Variants in AK9 observed in about 807,000 individuals in gnomAD.
AK9 encodes the protein adenylate kinase domain containing 1.
Under a neutral mutation model 239.6 loss-of-function variants are expected in AK9, and 191 were observed. That is an observed-to-expected ratio of 0.80 (90% CI 0.71 to 0.90). The LOEUF (loss-of-function observed/expected upper bound fraction) is 0.90. AK9 is among the 40% of genes least tolerant of loss of function. The probability of loss-of-function intolerance (pLI) is 0.00; values close to 1 mark genes in which losing one functional copy is unlikely to be tolerated. For missense variants in AK9, 1,995 were observed against 2,214.7 expected, an observed-to-expected ratio of 0.90 and a Z score of 1.99; for synonymous variants, 689 against 721.0, an observed-to-expected ratio of 0.96 and a Z score of 0.71.
chr6:109,516,492 G>A lies in AK9; in HGVS notation c.3784C>T (p.Arg1262Cys), dbSNP rs369859179. 98 of 1,551,472 alleles carry A rather than the reference G, an allele frequency of 6.3e-5. No individual in the cohort carries two copies. Among genetic ancestry groups the A allele is most frequent in the South Asian group, 3.3e-4 (28 of 84,056 alleles). Residue 1262 changes from arginine to cysteine, a missense_variant, in exon 30 of 41, where the codon CGC (arginine) becomes TGC (cysteine). Physicochemically the swap from Arg to Cys is radical, Grantham distance 180 (BLOSUM62 -3). Around this residue, in one of 5 missense-constraint regions of AK9, gnomAD observed 1,290 missense variants for 1,392.7 expected, o/e 0.93. Transcript: ENST00000424296. Reference protein sequence around the residue: ...DEEQETDAIERLRGELGEKFE... With the variant: ...DEEQETDAIECLRGELGEKFE... ...TTTTCTCCTAGTTCACCTCTCAGGCGCTCAATTGCATCAGTTTCCTGTTCT... is the reference window on the plus strand; with the variant it reads ...TTTTCTCCTAGTTCACCTCTCAGGCACTCAATTGCATCAGTTTCCTGTTCT...
chr6:109,688,856 A>T (rs1773893739), intron 1 of AK9, among the ~76,000 whole-genome samples: 1 of 152,064 alleles, frequency 6.6e-6, no homozygotes, highest in Non-Finnish European at 1.5e-5. Flanking sequence ...ATTGGATGAG[A>T]TTGGGGGTGC....
chr6:109,535,464 T>C (rs939879464), intron 27 of AK9, among the ~76,000 whole-genome samples: 3 of 152,250 alleles, frequency 2.0e-5, no homozygotes, highest in African/African-American at 7.2e-5. Context: ...TTTGCTTTTT[T>C]CTTGTAAATT....
chr6:109,656,994 G>C, intron 7 of AK9, 110 bp from the exon 8 acceptor site: 1 of 1,279,824 alleles, frequency 7.8e-7, no homozygotes. Flanking sequence ...TGAGAAGCAG[G>C]GGGAGGGGAC....
intron 12 of AK9, among the ~76,000 whole-genome samples, chr6:109,620,367 T>A (rs546715146): frequency 1.3e-5 from 2 of 152,170 alleles, no homozygotes; most frequent in African/African-American, 4.8e-5. Context: ...AGTATCTCAT[T>A]GTAGATTAAA....
intron 10 of AK9, among the ~76,000 whole-genome samples, chr6:109,639,643 T>C (rs2128284202): frequency 6.6e-6 from 1 of 152,342 alleles, no homozygotes; most frequent in South Asian, 2.1e-4. Flanking sequence ...GCAGAAGCTC[T>C]TTAGTTTAAT....
intron 26 of AK9, among the ~76,000 whole-genome samples, chr6:109,542,582 A>G (rs979871911): frequency 4.6e-5 from 7 of 152,226 alleles, no homozygotes; most frequent in African/African-American, 1.7e-4. Flanking sequence ...CAGGTACCCC[A>G]TAAATATGTA....
intron 12 of AK9, among the ~76,000 whole-genome samples, chr6:109,621,007 C>A (rs1340165966): frequency 6.6e-6 from 1 of 151,824 alleles, no homozygotes; most frequent in Admixed American, 6.6e-5. Context: ...TCTTAAAAAA[C>A]TGTCAAAGAT....
At chr6:109,542,012 C>T (rs1227197791) in intron 27 of AK9, 35 bp downstream of exon 27, 1 of 1,464,724 alleles carries the variant, frequency 6.8e-7, no homozygotes, top group Non-Finnish European at 9.2e-7. Flanking sequence ...CAAATAAAAG[C>T]AAATAAATGT....
intron 32 of AK9, among the ~76,000 whole-genome samples, chr6:109,511,186 C>A (rs1345493811): frequency 6.6e-6 from 1 of 151,720 alleles, no homozygotes; most frequent in African/African-American, 2.4e-5. Flanking sequence ...GGTAGTATGC[C>A]CCAAATAACA....
rs145535665 is a variant in AK9, at chr6:109,659,307, T to C, written c.551A>G (p.His184Arg). 2.0e-5 allele frequency: 32 copies of C among 1,607,704 alleles called. No homozygotes were observed. The highest frequency in any genetic ancestry group is 3.3e-4 in the Middle Eastern group (2 of 6,072). Residue 184 changes from histidine to arginine, a missense_variant, in exon 7 of 41, where the codon CAT becomes CGT. His to Arg is a conservative substitution (Grantham distance 29, BLOSUM62 0). This residue lies in a region of AK9 where 252 missense variants were observed against 246.4 expected (regional missense o/e 1.02). Transcript: ENST00000424296. ...TTGGGCTTCTTTCTTCTTTTTCCTATGATTCTCAATGACTTCAGGATCCCA... is the reference window on the plus strand; with the variant it reads ...TTGGGCTTCTTTCTTCTTTTTCCTACGATTCTCAATGACTTCAGGATCCCA... ...DQWDPEVIEN[H>R]RKKKKEAQKD...
At chr6:109,647,000 C>G (rs566991014) in intron 8 of AK9, among the ~76,000 whole-genome samples, 21 of 152,168 alleles carry the variant, frequency 1.4e-4, no homozygotes, top group African/African-American at 4.3e-4. Flanking sequence ...AGCTTCATAA[C>G]TGAAGGAGAA....
At chr6:109,500,387 C>T (rs982882639) in intron 35 of AK9, among the ~76,000 whole-genome samples, 6 of 152,166 alleles carry the variant, frequency 3.9e-5, no homozygotes, top group Non-Finnish European at 8.8e-5. Context: ...CTCTCTAATA[C>T]TCCACTGGAA....
In AK9 at chr6:109,513,580, A is replaced by G. The variant is rs1327752553; in HGVS notation, c.4279+644T>C. Among the ~76,000 whole-genome samples the G allele has an allele frequency of 3.3e-5, 5 of 152,140 alleles. No individual in the cohort carries two copies. The East Asian group carries it at 9.6e-4, about 29-fold the overall frequency. ...TAGGTTTTCTATCTCGTTTTGAGTCAGTCTTGATAGTTGGTTTTCTGAAGA... is the reference window on the plus strand; with the variant it reads ...TAGGTTTTCTATCTCGTTTTGAGTCGGTCTTGATAGTTGGTTTTCTGAAGA... On this transcript the variant is annotated intron_variant, in intron 32 of 40. Coordinates refer to ENST00000424296, the MANE Select transcript of AK9 (RefSeq NM_001145128.3).
chr6:109,639,848 G>T (rs1797177866), intron 10 of AK9, among the ~76,000 whole-genome samples: 1 of 152,202 alleles, frequency 6.6e-6, no homozygotes, highest in Non-Finnish European at 1.5e-5. Context: ...AAGGGATCCA[G>T]TTTCAGCTTT....
Position 109,570,073 on chromosome 6 carries a change from A to G in AK9, c.2344+3369T>C, listed in dbSNP as rs1787195041. On this transcript the variant is annotated intron_variant, in intron 21 of 40. Coordinates refer to ENST00000424296, the MANE Select transcript of AK9 (RefSeq NM_001145128.3). ...AGACTGAATTAAGAAAATGTTGCACATATACACCATGGAATACTATGCAGC... is the reference window on the plus strand; with the variant it reads ...AGACTGAATTAAGAAAATGTTGCACGTATACACCATGGAATACTATGCAGC... 3.3e-5 allele frequency among the ~76,000 whole-genome samples: 5 copies of G among 152,338 alleles called. No homozygotes were observed. The South Asian group carries it at 1.0e-3, about 32-fold the overall frequency.
chr6:109,504,592 C>T (rs950240116), intron 35 of AK9, among the ~76,000 whole-genome samples: 12 of 151,742 alleles, frequency 7.9e-5, no homozygotes, highest in African/African-American at 1.2e-4. Flanking sequence ...GTGGATCACC[C>T]GAGGTCGGGA....
Position 109,493,402 on chromosome 6 carries a change from G to C in AK9, c.5703C>G (p.Leu1901=). Residue 1901 remains leucine (L), a synonymous_variant, in exon 41 of 41, where the codon CTC becomes CTG. Coordinates refer to ENST00000424296, the MANE Select transcript of AK9 (RefSeq NM_001145128.3). ...IDFDHKLKTF[L]SLRNIDPING Reference sequence around the variant, plus strand: ...TAATTGGGTCTATATTTCTGAGAGAGAGAAAGGTCTTTAACTTATGATCAA... The same window carrying C: ...TAATTGGGTCTATATTTCTGAGAGACAGAAAGGTCTTTAACTTATGATCAA... 6.2e-7 allele frequency: 1 copy of C among 1,614,104 alleles called. No homozygotes were observed. Among genetic ancestry groups the C allele is most frequent in the African/African-American group, 1.3e-5 (1 of 75,046 alleles).
At chr6:109,515,760 A>G (rs1484990977) in intron 31 of AK9, 97 bp downstream of exon 31, 66 of 1,139,324 alleles carry the variant, frequency 5.8e-5, no homozygotes, top group Non-Finnish European at 7.8e-5. Context: ...AATACTTACA[A>G]TTTTTGAAAT....
rs549026448 is a variant in AK9 at position 109,528,212 on chromosome 6, G to C, written c.3633+799C>G. The C allele has an allele frequency of 5.4e-4, 171 of 314,916 alleles. 2 individuals carry two copies. Among genetic ancestry groups the C allele is most frequent in the South Asian group, 4.1e-3 (153 of 37,226 alleles). 19.5% of individuals were successfully genotyped at this position (314,916 alleles called of 1,614,324 possible). A position where few individuals can be genotyped will look rare whatever the true frequency, so the allele number is the denominator to read the frequency against. ...GAAGGGGACCACTAGGGACTCCCAA[G>C]GGCTTAAAGTAGTTAACTGTACTTA... On this transcript the variant is annotated intron_variant, in intron 29 of 40. Coordinates refer to ENST00000424296, the MANE Select transcript of AK9 (RefSeq NM_001145128.3).
Sources: allele counts gnomAD v4.1 joint callset (sites outside exome capture counted in the v4.1 genomes callset), GRCh38; gene constraint gnomAD v4.1.1; regional missense constraint gnomAD v4.1.1; transcripts MANE v1.5; gene names NCBI Gene and HGNC (gene_info 2026-07-23, HGNC 2026-07-21).